Variants in IL6ST observed in about 807,000 individuals in gnomAD.
IL6ST encodes the protein interleukin-6 receptor subunit beta.
A neutral mutation model predicts 91.3 loss-of-function variants in IL6ST; 24 were observed. The observed-to-expected ratio is 0.26, with a 90% CI of 0.19 to 0.37. IL6ST has a LOEUF of 0.37. Ranked by LOEUF, IL6ST falls within the 10% of genes least tolerant of loss-of-function variation. The pLI is 1.00. For missense variants in IL6ST, 914 were observed against 1,078.5 expected, an observed-to-expected ratio of 0.85 and a Z score of 2.14; for synonymous variants, 351 against 373.6, an observed-to-expected ratio of 0.94 and a Z score of 0.70.
chr5:55,965,439 T>C (rs574383283), intron 5 of IL6ST, among the ~76,000 whole-genome samples: 209 of 152,316 alleles, frequency 1.4e-3, no homozygotes, highest in African/African-American at 4.8e-3. Flanking sequence ...TTTTAAAAGA[T>C]AGTATTATAT....
intron 8 of IL6ST, among the ~76,000 whole-genome samples, chr5:55,958,782 C>T (rs1056087932): frequency 3.4e-5 from 5 of 147,518 alleles, no homozygotes; most frequent in African/African-American, 1.0e-4. Flanking sequence ...GAGGCTGCAG[C>T]GAGCCGTGTT....
At chr5:55,981,718 T>C (rs1753685326) in intron 2 of IL6ST, among the ~76,000 whole-genome samples, 1 of 152,214 alleles carries the variant, frequency 6.6e-6, no homozygotes, top group African/African-American at 2.4e-5. Flanking sequence ...CTGTTGATAC[T>C]AATATTTAAT....
In IL6ST at chr5:55,973,521, G is replaced by A. The variant is rs118065948; in HGVS notation, c.64+2694C>T. Among the ~76,000 whole-genome samples the A allele has an allele frequency of 2.4e-4, 36 of 152,332 alleles. No individual in the cohort carries two copies. The East Asian group carries it at 3.5e-3, about 15-fold the overall frequency. On this transcript the variant is annotated intron_variant, in intron 3 of 16. Coordinates refer to ENST00000381298, the MANE Select transcript of IL6ST (RefSeq NM_002184.4). ...GCCATAAAAAGAGGCCACGTATGGTGTTTTGGACAATGGCCCCAGCAAAGC... is the reference window on the plus strand; with the variant it reads ...GCCATAAAAAGAGGCCACGTATGGTATTTTGGACAATGGCCCCAGCAAAGC...
At chr5:55,977,092 A>G (rs987338666) in intron 2 of IL6ST, among the ~76,000 whole-genome samples, 1 of 152,168 alleles carries the variant, frequency 6.6e-6, no homozygotes, top group Non-Finnish European at 1.5e-5. Flanking sequence ...ATAAACATAC[A>G]TTCAAACAAT....
In IL6ST at chr5:55,935,674, C is replaced by T. The variant is rs942971163; in HGVS notation, c.*5408G>A. On this transcript the variant is annotated 3_prime_UTR_variant, in exon 17 of 17. Coordinates refer to ENST00000381298, the MANE Select transcript of IL6ST (RefSeq NM_002184.4). ...TAGTCTTTCACTCCATTAACTTGCC[C>T]AAGCACTGGACTTAAGTATGGAAGA... is the stretch of plus-strand genomic sequence containing the variant. 4.6e-6 allele frequency: 1 copy of T among 219,180 alleles called. No individual in the cohort carries two copies. Among genetic ancestry groups the T allele is most frequent in the African/African-American group, 2.2e-5 (1 of 44,534 alleles). The allele number at this position is 219,180 out of a possible 1,614,324, so 13.6% of individuals were successfully genotyped here.
At chr5:55,977,329 G>A (rs895260760) in intron 2 of IL6ST, among the ~76,000 whole-genome samples, 1 of 151,966 alleles carries the variant, frequency 6.6e-6, no homozygotes, top group Non-Finnish European at 1.5e-5. Flanking sequence ...CTGGGCTCGA[G>A]CAATCCTCCT....
Position 55,951,701 on chromosome 5 carries a change from G to A in IL6ST, c.1700-97C>T, listed in dbSNP as rs1751645459. ...GTGAAAGTGTTAAAAAAGAAGCGAA[G>A]TATTTTTGTTGGAAAACAACTTTTA... On this transcript the variant is annotated intron_variant, in intron 13 of 16. Coordinates refer to ENST00000381298, the MANE Select transcript of IL6ST (RefSeq NM_002184.4). The A allele has an allele frequency of 1.7e-5, 21 of 1,235,454 alleles. No individual in the cohort carries two copies. The South Asian group carries it at 3.1e-4, about 18-fold the overall frequency. 76.5% of individuals were successfully genotyped at this position (1,235,454 alleles called of 1,614,324 possible).
At chr5:55,977,055 T>G (rs1175469178) in intron 2 of IL6ST, among the ~76,000 whole-genome samples, 2 of 151,712 alleles carry the variant, frequency 1.3e-5, no homozygotes, top group Non-Finnish European at 2.9e-5. Context: ...CTGGAAACAA[T>G]CCAAATGTCC....
intron 4 of IL6ST, 93 bp downstream of exon 4, chr5:55,969,457 A>G (rs1752828447): frequency 1.2e-6 from 1 of 849,838 alleles, no homozygotes; most frequent in Admixed American, 2.8e-5. Flanking sequence ...TAAGTCCACA[A>G]GTTACTACAT....
intron 3 of IL6ST, among the ~76,000 whole-genome samples, chr5:55,973,075 T>C (rs938090615): frequency 6.6e-6 from 1 of 152,040 alleles, no homozygotes; most frequent in Non-Finnish European, 1.5e-5. Flanking sequence ...ATTATGAAAT[T>C]GCTGATATTT....
At chr5:55,972,658 A>G (rs1753029477) in intron 3 of IL6ST, among the ~76,000 whole-genome samples, 1 of 152,204 alleles carries the variant, frequency 6.6e-6, no homozygotes, top group African/African-American at 2.4e-5. Flanking sequence ...AAGGTATCTG[A>G]TAAAGTTATT....
At chr5:55,949,468 C>G (rs1751474677) in intron 14 of IL6ST, among the ~76,000 whole-genome samples, 1 of 150,904 alleles carries the variant, frequency 6.6e-6, no homozygotes, top group African/African-American at 2.5e-5. Flanking sequence ...GAGCAAGACT[C>G]TGTCTCAAAA....
At chr5:55,983,606 C>A (rs975682201) in intron 1 of IL6ST, among the ~76,000 whole-genome samples, 4 of 152,058 alleles carry the variant, frequency 2.6e-5, no homozygotes, top group Admixed American at 2.6e-4. Flanking sequence ...TTGTTTCATA[C>A]ACATTAAGCC....
At chr5:55,964,558 T>C (rs1302183512) in intron 5 of IL6ST, among the ~76,000 whole-genome samples, 1 of 152,232 alleles carries the variant, frequency 6.6e-6, no homozygotes, top group Non-Finnish European at 1.5e-5. Context: ...TAAAATTTTA[T>C]GCTCCATCCC....
chr5:55,944,664 C>G, intron 15 of IL6ST: 1 of 1,003,046 alleles, frequency 1.0e-6, no homozygotes, highest in Non-Finnish European at 1.5e-6. Flanking sequence ...CCATGAGAGC[C>G]AAGTGGAGGA....
chr5:55,983,484 T>TA (rs973481587), intron 1 of IL6ST, among the ~76,000 whole-genome samples: 1 of 152,230 alleles, frequency 6.6e-6, no homozygotes, highest in Non-Finnish European at 1.5e-5. Flanking sequence ...TAACCAGAGA[T>TA]AAAAATCCAT....
chr5:55,988,270 G>A (rs1408299995), intron 1 of IL6ST, among the ~76,000 whole-genome samples: 1 of 151,936 alleles, frequency 6.6e-6, no homozygotes, highest in Non-Finnish European at 1.5e-5. Context: ...TGCTCTAAAG[G>A]GCTTAAGCAA....
intron 8 of IL6ST, chr5:55,959,719 ATAGTGGGGATCTAAGGTG>A: frequency 1.1e-6 from 1 of 950,122 alleles, no homozygotes; most frequent in South Asian, 1.4e-5. Context: ...TATATTTTTG[ATAGTGGGGATCTAAGGTG>A]TAGTTTGCTA....
chr5:55,944,382 A>G (rs1027925819), intron 15 of IL6ST, among the ~76,000 whole-genome samples: 4 of 152,244 alleles, frequency 2.6e-5, no homozygotes, highest in Admixed American at 1.3e-4. Context: ...CATGATGAAT[A>G]TATTTTAAAA....
Sources: allele counts gnomAD v4.1 joint callset (sites outside exome capture counted in the v4.1 genomes callset), GRCh38; gene constraint gnomAD v4.1.1; transcripts MANE v1.5; gene names NCBI Gene and HGNC (gene_info 2026-07-23, HGNC 2026-07-21).